Variants in POF1B observed in about 807,000 individuals in gnomAD.
POF1B encodes protein POF1B.
In POF1B, 53 loss-of-function variants were observed where a neutral mutation model predicts 55.3. The ratio of observed to expected loss-of-function variants is 0.96; its 90% CI spans 0.77 to 1.20. The LOEUF (loss-of-function observed/expected upper bound fraction) is 1.20, where lower values mean the gene tolerates loss of function less well. Among genes scored for constraint, POF1B ranks in the 50% most tolerant of loss-of-function variants. The probability of loss-of-function intolerance (pLI) is 0.00; values close to 1 mark genes in which losing one functional copy is unlikely to be tolerated. For synonymous variants in POF1B, 188 were observed against 148.3 expected, an observed-to-expected ratio of 1.27 and a Z score of -1.95; for missense variants, 478 against 420.5, an observed-to-expected ratio of 1.14 and a Z score of -1.20.
At chrX:85,296,352 A>G (rs1932310036) in intron 15 of POF1B, among the ~76,000 whole-genome samples, 2 of 112,169 alleles carry the variant, frequency 1.8e-5, no homozygotes, top group African/African-American at 6.5e-5. Context: ...ATATGTGCTT[A>G]AGTGTGTTTT....
intron 15 of POF1B, among the ~76,000 whole-genome samples, chrX:85,285,776 T>A (rs909402883): frequency 9.0e-6 from 1 of 111,206 alleles, no homozygotes; most frequent in Admixed American, 9.6e-5. Flanking sequence ...ATTGTGCACA[T>A]GTACCCTAGA....
intron 7 of POF1B, 132 bp from the exon 8 acceptor site, chrX:85,315,866 G>A: frequency 2.0e-6 from 1 of 499,213 alleles, no homozygotes; most frequent in Non-Finnish European, 2.9e-6. Flanking sequence ...ATAAGCACAA[G>A]TGAAAATGTT....
At chrX:85,293,695 C>T (rs1250823694) in intron 15 of POF1B, among the ~76,000 whole-genome samples, 4 of 111,850 alleles carry the variant, frequency 3.6e-5, no homozygotes, top group Admixed American at 1.9e-4. Flanking sequence ...AAAAACAGGC[C>T]GGGCATGGTG....
intron 9 of POF1B, among the ~76,000 whole-genome samples, chrX:85,312,126 G>T (rs1252349068): frequency 1.8e-5 from 2 of 111,934 alleles, no homozygotes; most frequent in Admixed American, 9.5e-5. Flanking sequence ...TCTGTAGGGT[G>T]CCTGTTCACT....
At chrX:85,340,063 A>G (rs779877118) in intron 6 of POF1B, among the ~76,000 whole-genome samples, 2 of 111,224 alleles carry the variant, frequency 1.8e-5, no homozygotes, top group East Asian at 5.7e-4. Context: ...ACCTGCAGAG[A>G]GGGAGACATC....
Position 85,279,237 on chromosome X carries a change from C to G in POF1B, c.*184G>C. The G allele has an allele frequency of 2.4e-6, 1 of 421,891 alleles. No individual in the cohort carries two copies. The highest frequency in any genetic ancestry group is 4.2e-6 in the Non-Finnish European group (1 of 240,559). The allele number at this position is 421,891 out of a possible 1,213,427, so 34.8% of individuals were successfully genotyped here. On this transcript the variant is annotated 3_prime_UTR_variant, in exon 17 of 17. Transcript: ENST00000262753. ...TGAGTGTTATGGAAAAGATTTAGGT[C>G]TCATAAATGGGTGAAGAAATTGTCA...
intron 15 of POF1B, among the ~76,000 whole-genome samples, chrX:85,292,084 G>A (rs901252476): frequency 9.0e-6 from 1 of 111,147 alleles, no homozygotes; most frequent in Non-Finnish European, 1.9e-5. Context: ...TTCACACATG[G>A]CTCTTATCAT....
chrX:85,320,228 C>T (rs55899313), intron 7 of POF1B, among the ~76,000 whole-genome samples: 23,826 of 109,751 alleles, frequency 0.22, 2,450 homozygotes, highest in African/African-American at 0.4. Flanking sequence ...TGCATTTATT[C>T]GTATCTTCTC....
At chrX:85,368,210 C>T (rs138935095) in intron 2 of POF1B, among the ~76,000 whole-genome samples, 247 of 111,398 alleles carry the variant, frequency 2.2e-3, no homozygotes, top group African/African-American at 7.8e-3. Flanking sequence ...GTGGTGAAGT[C>T]TGGGCTCTTA....
chrX:85,289,225 C>T (rs912390228), intron 15 of POF1B, among the ~76,000 whole-genome samples: 1 of 111,763 alleles, frequency 8.9e-6, no homozygotes, highest in Non-Finnish European at 1.9e-5. Context: ...GAAAGCATAT[C>T]ACAAGCTGGA....
intron 6 of POF1B, among the ~76,000 whole-genome samples, chrX:85,339,947 C>G (rs1399540906): frequency 9.0e-6 from 1 of 110,812 alleles, no homozygotes; most frequent in Non-Finnish European, 1.9e-5. Context: ...CTTGAAAATG[C>G]AGATTATCAG....
intron 6 of POF1B, among the ~76,000 whole-genome samples, chrX:85,331,421 T>C (rs1247874011): frequency 1.8e-5 from 2 of 111,421 alleles, no homozygotes; most frequent in South Asian, 3.7e-4. Flanking sequence ...AAATGTGAAT[T>C]ATATTTTTTA....
At chrX:85,316,021 C>T (rs1291801988) in intron 7 of POF1B, among the ~76,000 whole-genome samples, 3 of 110,952 alleles carry the variant, frequency 2.7e-5, no homozygotes, top group Non-Finnish European at 5.7e-5. Flanking sequence ...TTTAATTGTG[C>T]CTAGATTAGA....
Position 85,367,327 on chromosome X carries a change from C to T in POF1B, c.357+365G>A, listed in dbSNP as rs144635169. On this transcript the variant is annotated intron_variant, in intron 3 of 16. Coordinates refer to ENST00000262753, the MANE Select transcript of POF1B (RefSeq NM_024921.4). ...CCTATAAGAAGAGTTAGTTATGACC[C>T]TATAAGTTATTCTCTCTGAATATGA... Among the ~76,000 whole-genome samples the T allele has an allele frequency of 5.8e-3, 642 of 111,332 alleles. 12 individuals carry two copies. Among genetic ancestry groups the T allele is most frequent in the African/African-American group, 0.02 (612 of 30,622 alleles).
At chrX:85,324,142 G>A (rs1217377292) in intron 7 of POF1B, among the ~76,000 whole-genome samples, 5 of 111,736 alleles carry the variant, frequency 4.5e-5, no homozygotes, top group African/African-American at 1.6e-4. Flanking sequence ...CAATTTTTGG[G>A]TCAATTTTGG....
chrX:85,310,941 A>G (rs1354333772), intron 9 of POF1B, among the ~76,000 whole-genome samples: 1 of 112,116 alleles, frequency 8.9e-6, no homozygotes, highest in Admixed American at 9.5e-5. Context: ...ACTATTTTTT[A>G]AGTACTAAAA....
intron 9 of POF1B, among the ~76,000 whole-genome samples, chrX:85,310,163 AC>A (rs1932665363): frequency 8.9e-6 from 1 of 112,145 alleles, no homozygotes. Context: ...ATTGAAAATC[AC>A]TCATAATTCC....
At chrX:85,297,755 G>C (rs953639903) in intron 15 of POF1B, among the ~76,000 whole-genome samples, 1 of 111,775 alleles carries the variant, frequency 8.9e-6, no homozygotes, top group Non-Finnish European at 1.9e-5. Flanking sequence ...CACTGGCACT[G>C]CATCCACATT....
intron 15 of POF1B, among the ~76,000 whole-genome samples, chrX:85,291,273 A>G (rs140211525): frequency 0.01 from 1,112 of 111,164 alleles, 11 homozygotes; most frequent in Admixed American, 0.035. Context: ...TGGGTTCTCT[A>G]TTCTGTTCCA....
Sources: gnomAD v4.1 joint callset for allele counts (sites outside exome capture counted in the v4.1 genomes callset) on GRCh38, gnomAD v4.1.1 for gene constraint, MANE v1.5 for transcripts, NCBI Gene and HGNC (gene_info 2026-07-23, HGNC 2026-07-21) for gene names.